SFMBT2: variants seen among roughly 807,000 people sequenced by gnomAD.
The protein encoded by SFMBT2 is Scm like with four mbt domains 2.
A neutral mutation model predicts 110.1 loss-of-function variants in SFMBT2; 38 were observed. The ratio of observed to expected loss-of-function variants is 0.35; its 90% CI spans 0.27 to 0.45. SFMBT2 has a LOEUF of 0.45. Ranked by LOEUF, SFMBT2 falls within the 20% of genes least tolerant of loss-of-function variation. The pLI, the probability that SFMBT2 is intolerant of heterozygous loss-of-function variation, is 1.00. For missense variants in SFMBT2, 1,011 were observed against 1,094.9 expected, an observed-to-expected ratio of 0.92 and a Z score of 1.08; for synonymous variants, 425 against 425.4, an observed-to-expected ratio of 1.00 and a Z score of 0.01.
intron 1 of SFMBT2, among the ~76,000 whole-genome samples, chr10:7,404,302 T>C (rs1043902288): frequency 3.3e-5 from 5 of 152,230 alleles, no homozygotes; most frequent in African/African-American, 1.2e-4. Flanking sequence ...TTCCACACTC[T>C]TGTATCATAC....
chr10:7,164,746 AACACACACACACACACACACACAC>A (rs58744416), intron 20 of SFMBT2, among the ~76,000 whole-genome samples: 12 of 137,846 alleles, frequency 8.7e-5, no homozygotes, highest in African/African-American at 2.7e-4. Flanking sequence ...CATAAAGGGA[AACACACACACACACACACACACAC>A]ACACACACAC....
At chr10:7,230,479 C>CACGTCAA (rs1307370973) in intron 9 of SFMBT2, among the ~76,000 whole-genome samples, 1 of 152,250 alleles carries the variant, frequency 6.6e-6, no homozygotes, top group East Asian at 1.9e-4. Flanking sequence ...AGCCTCAAGA[C>CACGTCAA]ACGTCAAACG....
intron 4 of SFMBT2, among the ~76,000 whole-genome samples, chr10:7,328,100 A>G (rs1843451895): frequency 6.6e-6 from 1 of 152,260 alleles, no homozygotes; most frequent in African/African-American, 2.4e-5. Context: ...GCAACATACA[A>G]GAGTTCCAGT....
intron 11 of SFMBT2, among the ~76,000 whole-genome samples, chr10:7,207,230 G>T (rs1839166536): frequency 1.3e-5 from 2 of 151,816 alleles, no homozygotes; most frequent in South Asian, 2.1e-4. Flanking sequence ...GTGGTAGCAG[G>T]CACCTGTAAG....
At chr10:7,197,446 C>G in intron 15 of SFMBT2, 102 bp downstream of exon 15, 2 of 1,483,492 alleles carry the variant, frequency 1.3e-6, no homozygotes, top group Non-Finnish European at 1.8e-6. Context: ...TAAATGCCAG[C>G]TGAACTGCTT....
intron 4 of SFMBT2, among the ~76,000 whole-genome samples, chr10:7,331,035 C>G (rs970365015): frequency 6.6e-6 from 1 of 152,230 alleles, no homozygotes; most frequent in Non-Finnish European, 1.5e-5. Flanking sequence ...CCTGGCCTAG[C>G]ACAAGGATAG....
At chr10:7,169,496 G>A (rs1837806336) in intron 20 of SFMBT2, among the ~76,000 whole-genome samples, 1 of 152,126 alleles carries the variant, frequency 6.6e-6, no homozygotes, top group African/African-American at 2.4e-5. Context: ...GACCTTTTAT[G>A]TTTCCTGATT....
At position 7,215,707 on chromosome 10, in the gene SFMBT2, G is replaced by A. The variant is rs574552292; in HGVS notation, c.1330+4704C>T. On this transcript the variant is annotated intron_variant, in intron 11 of 20. Transcript: ENST00000397167. ...TGCAGGTGCCAGAGGGCGGCTGGCC[G>A]ATGAATTTAAGCCCACTGACTCAAC... is the stretch of plus-strand genomic sequence containing the variant. 99 of 985,444 alleles carry A rather than the reference G, an allele frequency of 1.0e-4. No individual in the cohort carries two copies. The South Asian group carries it at 2.3e-3, about 23-fold the overall frequency. 61.0% of individuals were successfully genotyped at this position (985,444 alleles called of 1,614,324 possible).
chr10:7,336,651 CTCAATCAA>C (rs59171440), intron 4 of SFMBT2, among the ~76,000 whole-genome samples: 27 of 150,774 alleles, frequency 1.8e-4, no homozygotes, highest in East Asian at 3.9e-4. Flanking sequence ...GAGACCCTGT[CTCAATCAA>C]TCAATCAATC....
At chr10:7,164,272 A>G (rs1463262020) in intron 20 of SFMBT2, 1 of 590,168 alleles carries the variant, frequency 1.7e-6, no homozygotes, top group Non-Finnish European at 2.1e-6. Flanking sequence ...CTGTGATGCC[A>G]GCTACTCAGA....
In SFMBT2 at chr10:7,276,149, G is replaced by A. The variant is rs146374692; in HGVS notation, c.870+743C>T. On this transcript the variant is annotated intron_variant, in intron 7 of 20. Transcript: ENST00000397167. ...TAAAGAACTTGGTAGCCGTTTTGGT[G>A]GAGATGCATTTCACAAGCCCTTCAT... Among the ~76,000 whole-genome samples the A allele has an allele frequency of 8.3e-3, 1,258 of 152,288 alleles. 20 individuals carry two copies. The highest frequency in any genetic ancestry group is 0.028 in the African/African-American group (1,182 of 41,540).
Position 7,301,097 on chromosome 10 carries a change from C to A in SFMBT2, c.437-15143G>T, listed in dbSNP as rs1051719174. On this transcript the variant is annotated intron_variant, in intron 4 of 20. Coordinates refer to ENST00000397167, the MANE Select transcript of SFMBT2 (RefSeq NM_001387889.1). This position sits in a 1 kb window ranked among gnomAD's most constrained non-coding sequence, Gnocchi z 4.2. Reference sequence around the variant, plus strand: ...GAGTAAACCCCAGATACCGTGGAAGCCCTGGCACCAGGGCCAGGATGCTTC... The same window carrying A: ...GAGTAAACCCCAGATACCGTGGAAGACCTGGCACCAGGGCCAGGATGCTTC... Among the ~76,000 whole-genome samples, 1 of 152,134 alleles carries A rather than the reference C, an allele frequency of 6.6e-6. No homozygotes were observed. The highest frequency in any genetic ancestry group is 1.5e-5 in the Non-Finnish European group (1 of 68,026).
intron 11 of SFMBT2, among the ~76,000 whole-genome samples, chr10:7,217,526 G>C (rs1056879524): frequency 2.0e-5 from 3 of 152,090 alleles, no homozygotes; most frequent in Admixed American, 2.0e-4. Context: ...AAATGATTCT[G>C]AGAAACAAGA....
intron 4 of SFMBT2, among the ~76,000 whole-genome samples, chr10:7,357,609 T>C (rs1011565408): frequency 1.3e-5 from 2 of 152,234 alleles, no homozygotes; most frequent in Admixed American, 6.5e-5. Context: ...TAAAATTTCT[T>C]GCTATGTATG....
intron 20 of SFMBT2, among the ~76,000 whole-genome samples, chr10:7,166,344 T>C (rs1837692418): frequency 6.6e-6 from 1 of 152,248 alleles, no homozygotes; most frequent in Non-Finnish European, 1.5e-5. Flanking sequence ...GTCTTTAACA[T>C]CTGTACTTGG....
At chr10:7,174,889 T>C (rs1027427753) in intron 17 of SFMBT2, among the ~76,000 whole-genome samples, 2 of 152,188 alleles carry the variant, frequency 1.3e-5, no homozygotes, top group African/African-American at 4.8e-5. Flanking sequence ...GAGGTCTGTG[T>C]GATCAGTGAG....
intron 4 of SFMBT2, chr10:7,286,335 A>C: frequency 1.1e-6 from 1 of 881,290 alleles, no homozygotes; most frequent in Non-Finnish European, 1.4e-6. Context: ...AAATCAAACC[A>C]GGCCCCGAAT....
Position 7,163,812 on chromosome 10 carries a change from G to A in SFMBT2, c.2643C>T (p.Ile881=), listed in dbSNP as rs970752388. The A allele has an allele frequency of 6.2e-6, 10 of 1,614,028 alleles. No individual in the cohort carries two copies. Among genetic ancestry groups the A allele is most frequent in the South Asian group, 1.1e-5 (1 of 91,088 alleles). The change falls in exon 21 of 21, where the codon ATC becomes ATT. Residue 881 remains isoleucine, a synonymous_variant. Transcript: ENST00000397167. The surrounding 1 kb of genome is among the most constrained non-coding windows in gnomAD (Gnocchi z 4.8). Reference sequence around the variant, plus strand: ...CGTAGAAAGCCACTTTGACTCTCTCGATCTGGTGGCATAACTTGATGGCAG... The same window carrying A: ...CGTAGAAAGCCACTTTGACTCTCTCAATCTGGTGGCATAACTTGATGGCAG... ...LGPAIKLCHQ[I]ERVKVAFYAQ...
rs922902985 is a variant in SFMBT2 at position 7,293,209 on chromosome 10, C to T, written c.437-7255G>A. Among the ~76,000 whole-genome samples, 49 of 152,048 alleles carry T rather than the reference C, an allele frequency of 3.2e-4. No individual in the cohort carries two copies. The highest frequency in any genetic ancestry group is 1.1e-3 in the African/African-American group (46 of 41,394). ...GATTACAGGCACCCACCACCATCTC[C>T]AGCCTCAGCTTCCCGAGTAGCTGGG... On this transcript the variant is annotated intron_variant, in intron 4 of 20. Transcript: ENST00000397167. The surrounding 1 kb of genome is among the most constrained non-coding windows in gnomAD (Gnocchi z 4.6).
Sources: allele counts gnomAD v4.1 joint callset (sites outside exome capture counted in the v4.1 genomes callset), GRCh38; gene constraint gnomAD v4.1.1; non-coding constraint Gnocchi (gnomAD v3.1); transcripts MANE v1.5; gene names NCBI Gene and HGNC (gene_info 2026-07-23, HGNC 2026-07-21).